The following NHEJ1 variants were observed in gnomAD, a reference collection of about 807,000 sequenced individuals.
NHEJ1 encodes non-homologous end-joining factor 1.
In NHEJ1, 22 loss-of-function variants were observed where a neutral mutation model predicts 39.4. That is an observed-to-expected ratio of 0.56 (90% CI 0.40 to 0.80). NHEJ1 has a LOEUF of 0.80. NHEJ1 is among the 30% of genes least tolerant of loss of function. The pLI, the probability that NHEJ1 is intolerant of heterozygous loss-of-function variation, is 0.00. For synonymous variants in NHEJ1, 154 were observed against 135.6 expected, an observed-to-expected ratio of 1.14 and a Z score of -0.94; for missense variants, 329 against 357.1, an observed-to-expected ratio of 0.92 and a Z score of 0.63.
In NHEJ1 at chr2:219,159,594, TATATATGCATATATATACATATAC is replaced by T. The variant is rs1559206435; in HGVS notation, c.-1+1102_-1+1125del. ...ATATATGCATATATATATGCATATA[TATATATGCATATATATACATATAC>T]GTGGTGATCTTTCTTTATGGCATCC... On this transcript the variant is annotated intron_variant, in intron 1 of 7. Coordinates refer to ENST00000356853, the MANE Select transcript of NHEJ1 (RefSeq NM_024782.3). Among the ~76,000 whole-genome samples, 34 of 141,046 alleles carry T rather than the reference TATATATGCATATATATACATATAC, an allele frequency of 2.4e-4. 2 individuals are homozygous for T. The highest frequency in any genetic ancestry group is 7.7e-4 in the African/African-American group (29 of 37,824). The allele number at this position is 141,046 out of a possible 152,430, so 92.5% of individuals were successfully genotyped here. A position where few individuals can be genotyped will look rare whatever the true frequency, so the allele number is the denominator to read the frequency against.
chr2:219,085,815 G>C (rs975977241), intron 5 of NHEJ1, among the ~76,000 whole-genome samples: 2 of 149,884 alleles, frequency 1.3e-5, no homozygotes, highest in African/African-American at 2.5e-5. Context: ...TCAAGTTACT[G>C]AATCACTTTC....
intron 1 of NHEJ1, among the ~76,000 whole-genome samples, chr2:219,159,552 C>CATATATATATGCATATATATATGCAT (rs1559206225): frequency 3.0e-5 from 2 of 66,378 alleles, no homozygotes; most frequent in African/African-American, 1.4e-4. Context: ...TATATATATG[C>CATATATATATGCATATATATATGCAT]ATATATATAT....
chr2:219,128,843 A>AG (rs930644705), intron 5 of NHEJ1, among the ~76,000 whole-genome samples: 1 of 152,162 alleles, frequency 6.6e-6, no homozygotes, highest in Non-Finnish European at 1.5e-5. Flanking sequence ...GGCCATAGGT[A>AG]GCTGCCAGCC....
intron 5 of NHEJ1, among the ~76,000 whole-genome samples, chr2:219,085,255 C>CA (rs1949101257): frequency 6.6e-6 from 1 of 152,168 alleles, no homozygotes; most frequent in African/African-American, 2.4e-5. Flanking sequence ...ACAACTGTTT[C>CA]ATTCTCCTTT....
At chr2:219,129,802 C>T (rs1389806245) in intron 5 of NHEJ1, among the ~76,000 whole-genome samples, 2 of 152,272 alleles carry the variant, frequency 1.3e-5, no homozygotes, top group Non-Finnish European at 2.9e-5. Flanking sequence ...TGTGTCCACA[C>T]AGACGCCAGC....
chr2:219,147,887 A>C, intron 3 of NHEJ1, 92 bp from the exon 4 acceptor site: 1 of 1,289,050 alleles, frequency 7.8e-7, no homozygotes, highest in Non-Finnish European at 1.1e-6. Context: ...CGAAAAATAA[A>C]TGTTCTTACA....
Position 219,085,007 on chromosome 2 carries a change from C to G in NHEJ1, c.589-6801G>C, listed in dbSNP as rs1390200536. On this transcript the variant is annotated intron_variant, in intron 5 of 7. Coordinates refer to ENST00000356853, the MANE Select transcript of NHEJ1 (RefSeq NM_024782.3). ...AGAACTCTCTCACCACCATTTCCTGCTTCCTAATGTGGCTTGTGCAAATGC... is the reference window on the plus strand; with the variant it reads ...AGAACTCTCTCACCACCATTTCCTGGTTCCTAATGTGGCTTGTGCAAATGC... 2.0e-5 allele frequency among the ~76,000 whole-genome samples: 3 copies of G among 152,232 alleles called. No individual in the cohort carries two copies. In the East Asian group the frequency reaches 5.8e-4, roughly 29 times the overall value.
intron 5 of NHEJ1, among the ~76,000 whole-genome samples, chr2:219,110,192 T>C (rs931558594): frequency 6.6e-6 from 1 of 152,146 alleles, no homozygotes; most frequent in Admixed American, 6.5e-5. Context: ...TGAGAATCCA[T>C]GTCTTCACAT....
intron 3 of NHEJ1, among the ~76,000 whole-genome samples, chr2:219,154,980 T>C (rs1949838790): frequency 6.8e-6 from 1 of 147,672 alleles, no homozygotes; most frequent in Non-Finnish European, 1.5e-5. Context: ...ATTACATATA[T>C]TTATATATTA....
rs1491433240 is a variant in NHEJ1, at chr2:219,153,691, AAG to A, written c.390+3779_390+3780del. Among the ~76,000 whole-genome samples, 61 of 20,400 alleles carry A rather than the reference AAG, an allele frequency of 3.0e-3. 6 individuals are homozygous for A. The highest frequency in any genetic ancestry group is 0.01 in the East Asian group (2 of 196). The allele number at this position is 20,400 out of a possible 152,430, so 13.4% of individuals were successfully genotyped here. On this transcript the variant is annotated intron_variant, in intron 3 of 7. Coordinates refer to ENST00000356853, the MANE Select transcript of NHEJ1 (RefSeq NM_024782.3). ...TTCATCTCAAAAGAAAAAGAAAGAA[AAG>A]GGGGGGGGGGTGGAGAGAGAGAGAG... is the stretch of plus-strand genomic sequence containing the variant.
chr2:219,076,275 GACTGTATC>G lies in NHEJ1; in HGVS notation c.*98_*105del. The G allele has an allele frequency of 1.3e-6, 2 of 1,599,776 alleles. No individual in the cohort carries two copies. The highest frequency in any genetic ancestry group is 2.2e-5 in the South Asian group (2 of 89,026). On this transcript the variant is annotated 3_prime_UTR_variant, in exon 8 of 8. Coordinates refer to ENST00000356853, the MANE Select transcript of NHEJ1 (RefSeq NM_024782.3). ...TCTCTCGCCCTTACAGGAGGCCTCT[GACTGTATC>G]ACTATTTTAGAAATATTGCTGCCAT...
chr2:219,159,592 T>TATATGCATATATATGCATATATATGC (rs767501418), intron 1 of NHEJ1, among the ~76,000 whole-genome samples: 1 of 94,024 alleles, frequency 1.1e-5, no homozygotes, highest in Non-Finnish European at 2.5e-5. Context: ...TATATGCATA[T>TATATGCATATATATGCATATATATGC]ATATATATGC....
intron 5 of NHEJ1, chr2:219,125,638 G>A (rs1189809961): frequency 1.3e-5 from 2 of 152,276 alleles, no homozygotes; most frequent in Admixed American, 1.3e-4. Flanking sequence ...GAGTGTCTGG[G>A]TCCTGTATGG....
intron 5 of NHEJ1, among the ~76,000 whole-genome samples, chr2:219,086,929 C>CA (rs1949116968): frequency 6.6e-6 from 1 of 152,136 alleles, no homozygotes; most frequent in South Asian, 2.1e-4. Context: ...CCTGGAGCCC[C>CA]ACCCAGCCCC....
chr2:219,125,123 T>TAA (rs5838718), intron 5 of NHEJ1, among the ~76,000 whole-genome samples: 289 of 145,802 alleles, frequency 2.0e-3, no homozygotes, highest in Middle Eastern at 7.1e-3. Flanking sequence ...CTTTGGAAAT[T>TAA]AAAAAAAAAA....
Position 219,076,360 on chromosome 2 carries a change from A to T in NHEJ1, c.*21T>A. The T allele has an allele frequency of 6.2e-7, 1 of 1,614,134 alleles. No homozygotes were observed. On this transcript the variant is annotated 3_prime_UTR_variant, in exon 8 of 8. Coordinates refer to ENST00000356853, the MANE Select transcript of NHEJ1 (RefSeq NM_024782.3). ...GAAGCTGTTCTCCAAGTCCATCCTC[A>T]GCAGCTGAGGCCACAACAGATTAAC...
chr2:219,155,482 T>G (rs1251295160), intron 3 of NHEJ1, among the ~76,000 whole-genome samples: 2 of 151,944 alleles, frequency 1.3e-5, no homozygotes, highest in East Asian at 1.9e-4. Context: ...TATTTTTATT[T>G]GCAAGATGGA....
chr2:219,109,832 C>A (rs1281863102), intron 5 of NHEJ1, among the ~76,000 whole-genome samples: 3 of 152,120 alleles, frequency 2.0e-5, no homozygotes, highest in Non-Finnish European at 4.4e-5. Context: ...TCTTTTTCCA[C>A]CTAACACATA....
intron 5 of NHEJ1, among the ~76,000 whole-genome samples, chr2:219,120,034 C>T (rs369028569): frequency 2.0e-5 from 3 of 152,034 alleles, no homozygotes; most frequent in South Asian, 2.1e-4. Flanking sequence ...AATTTAGCAC[C>T]GAGAGGACAT....
Sources: allele counts gnomAD v4.1 joint callset (sites outside exome capture counted in the v4.1 genomes callset), GRCh38; gene constraint gnomAD v4.1.1; transcripts MANE v1.5; gene names NCBI Gene and HGNC (gene_info 2026-07-23, HGNC 2026-07-21).